TMEM132D: variants seen among roughly 807,000 people sequenced by gnomAD.
TMEM132D encodes mature OL transmembrane protein.
In TMEM132D, 21 loss-of-function variants were observed where a neutral mutation model predicts 62.3. That is an observed-to-expected ratio of 0.34 (90% CI 0.24 to 0.49). The LOEUF is 0.49. TMEM132D is among the 20% of genes least tolerant of loss of function. TMEM132D has a pLI of 0.99. For synonymous variants in TMEM132D, 621 were observed against 575.6 expected (o/e 1.08, Z -1.13); for missense variants, 1,346 against 1,402.8 (o/e 0.96, Z 0.65).
intron 1 of TMEM132D, among the ~76,000 whole-genome samples, chr12:129,811,966 T>C (rs1420454987): frequency 6.6e-6 from 1 of 151,684 alleles, no homozygotes; most frequent in Non-Finnish European, 1.5e-5. Context: ...CACATATATT[T>C]CAACCTCGTG....
chr12:129,203,820 T>C (rs952130079), intron 5 of TMEM132D, among the ~76,000 whole-genome samples: 7 of 152,226 alleles, frequency 4.6e-5, no homozygotes, highest in Admixed American at 2.0e-4. Context: ...CTGGTAAGTA[T>C]ACAGCTTGTC....
chr12:129,623,664 CATATAT>C (rs1287608358), intron 2 of TMEM132D, among the ~76,000 whole-genome samples: 3 of 142,668 alleles, frequency 2.1e-5, no homozygotes, highest in South Asian at 4.8e-4. Flanking sequence ...TATATATATA[CATATAT>C]ATACACATAT....
intron 1 of TMEM132D, among the ~76,000 whole-genome samples, chr12:129,873,785 C>T (rs946796065): frequency 1.6e-4 from 24 of 152,288 alleles, no homozygotes; most frequent in African/African-American, 5.3e-4. Context: ...ACAGAGAGAA[C>T]TAGAGAGGGT....
chr12:129,592,648 T>G (rs941886405), intron 2 of TMEM132D, among the ~76,000 whole-genome samples: 2 of 152,190 alleles, frequency 1.3e-5, no homozygotes, highest in Non-Finnish European at 2.9e-5. Context: ...TTGTACATAT[T>G]CAAAAGAATG....
At chr12:129,408,522 T>C (rs1419799954) in intron 3 of TMEM132D, among the ~76,000 whole-genome samples, 1 of 151,280 alleles carries the variant, frequency 6.6e-6, no homozygotes. Flanking sequence ...AGTTGGGGAG[T>C]GCTTTTTTTC....
At chr12:129,090,961 T>A (rs1479223124) in intron 5 of TMEM132D, among the ~76,000 whole-genome samples, 1 of 152,124 alleles carries the variant, frequency 6.6e-6, no homozygotes, top group Non-Finnish European at 1.5e-5. Flanking sequence ...TCGGGTCATG[T>A]CTCCACCCAA....
chr12:129,544,393 A>G (rs929620546), intron 2 of TMEM132D, among the ~76,000 whole-genome samples: 1 of 152,214 alleles, frequency 6.6e-6, no homozygotes, highest in Non-Finnish European at 1.5e-5. Flanking sequence ...TATGGTTTTT[A>G]AAATCACACT....
intron 2 of TMEM132D, among the ~76,000 whole-genome samples, chr12:129,662,288 G>C (rs1363940013): frequency 6.6e-6 from 1 of 152,148 alleles, no homozygotes; most frequent in Non-Finnish European, 1.5e-5. Flanking sequence ...TTCTGTTACA[G>C]GCAAGGAACT....
At chr12:129,270,299 A>G (rs4759986) in intron 4 of TMEM132D, among the ~76,000 whole-genome samples, 59,067 of 152,092 alleles carry the variant, frequency 0.39, 11,634 homozygotes, top group Admixed American at 0.48. Context: ...GCTCTCACAA[A>G]TCTGGTCTGG....
chr12:129,347,238 C>A (rs34266737), intron 3 of TMEM132D, among the ~76,000 whole-genome samples: 1 of 152,154 alleles, frequency 6.6e-6, no homozygotes, highest in African/African-American at 2.4e-5. Context: ...CAAAAAAGAG[C>A]CTCTATAGCC....
intron 1 of TMEM132D, among the ~76,000 whole-genome samples, chr12:129,866,598 T>C (rs543039171): frequency 2.0e-5 from 3 of 148,086 alleles, no homozygotes; most frequent in South Asian, 2.2e-4. Context: ...ATAATAAAAA[T>C]ATATTAAAAA....
intron 1 of TMEM132D, among the ~76,000 whole-genome samples, chr12:129,720,223 C>G (rs890811802): frequency 6.6e-6 from 1 of 152,162 alleles, no homozygotes; most frequent in Non-Finnish European, 1.5e-5. Flanking sequence ...GACACAGCAA[C>G]ATTCCTAGTA....
chr12:129,818,818 T>C (rs1872454742), intron 1 of TMEM132D, among the ~76,000 whole-genome samples: 1 of 151,902 alleles, frequency 6.6e-6, no homozygotes, highest in African/African-American at 2.4e-5. Flanking sequence ...ATGGATCACT[T>C]GAGCCCAGGA....
At chr12:129,335,162 C>T (rs1430173864) in intron 4 of TMEM132D, among the ~76,000 whole-genome samples, 2 of 117,316 alleles carry the variant, frequency 1.7e-5, no homozygotes, top group Non-Finnish European at 3.3e-5. Context: ...GGCAGGGTCT[C>T]ACCCTGTCAC....
chr12:129,608,946 T>G (rs1410922561), intron 2 of TMEM132D, among the ~76,000 whole-genome samples: 1 of 148,222 alleles, frequency 6.7e-6, no homozygotes, highest in Non-Finnish European at 1.5e-5. Flanking sequence ...AAATTGTTCT[T>G]TTTTTTTTTT....
chr12:129,470,132 C>G (rs1874051110), intron 3 of TMEM132D, among the ~76,000 whole-genome samples: 1 of 152,146 alleles, frequency 6.6e-6, no homozygotes, highest in Non-Finnish European at 1.5e-5. Flanking sequence ...CCAGATCTCT[C>G]TATAGACAGC....
intron 1 of TMEM132D, among the ~76,000 whole-genome samples, chr12:129,758,701 C>A (rs1870250893): frequency 6.6e-6 from 1 of 152,116 alleles, no homozygotes; most frequent in East Asian, 1.9e-4. Context: ...TACTTCCAAC[C>A]TAAATATTTT....
At chr12:129,813,653 T>G (rs1872260094) in intron 1 of TMEM132D, among the ~76,000 whole-genome samples, 1 of 149,698 alleles carries the variant, frequency 6.7e-6, no homozygotes, top group Non-Finnish European at 1.5e-5. Flanking sequence ...TTTCAGACAT[T>G]GGGCAATGTC....
At chr12:129,743,680 T>C (rs957071664) in intron 1 of TMEM132D, among the ~76,000 whole-genome samples, 1 of 152,160 alleles carries the variant, frequency 6.6e-6, no homozygotes, top group Non-Finnish European at 1.5e-5. Context: ...GCTTACATGG[T>C]GAGAGGGACT....
Sources: allele counts gnomAD v4.1 joint callset (sites outside exome capture counted in the v4.1 genomes callset), GRCh38; gene constraint gnomAD v4.1.1; transcripts MANE v1.5; gene names NCBI Gene and HGNC (gene_info 2026-07-23, HGNC 2026-07-21).